The following PTPRD variants were observed in gnomAD, a reference collection of about 807,000 sequenced individuals.
PTPRD encodes protein tyrosine phosphatase receptor type D.
A neutral mutation model predicts 214.5 loss-of-function variants in PTPRD; 34 were observed. That is an observed-to-expected ratio of 0.16 (90% CI 0.12 to 0.21). The LOEUF (loss-of-function observed/expected upper bound fraction) is 0.21, where lower values mean the gene tolerates loss of function less well. Ranked by LOEUF, PTPRD falls within the 10% of genes least tolerant of loss-of-function variation. The pLI is 1.00. For synonymous variants in PTPRD, 1,128 were observed against 845.7 expected, an observed-to-expected ratio of 1.33 and a Z score of -5.79; for missense variants, 2,545 against 2,398.7, an observed-to-expected ratio of 1.06 and a Z score of -1.27.
intron 8 of PTPRD, among the ~76,000 whole-genome samples, chr9:9,458,893 T>C (rs938662685): frequency 6.6e-6 from 1 of 151,868 alleles, no homozygotes; most frequent in Non-Finnish European, 1.5e-5. Flanking sequence ...TGATGTAAGA[T>C]TGCACCACCG....
At chr9:9,496,844 C>G (rs2096214147) in intron 8 of PTPRD, among the ~76,000 whole-genome samples, 1 of 152,152 alleles carries the variant, frequency 6.6e-6, no homozygotes, top group Non-Finnish European at 1.5e-5. Context: ...AATGTGGCAG[C>G]AACTCAAGTG....
At chr9:9,266,353 G>C (rs533696339) in intron 9 of PTPRD, among the ~76,000 whole-genome samples, 1 of 151,346 alleles carries the variant, frequency 6.6e-6, no homozygotes, top group Non-Finnish European at 1.5e-5. Context: ...AGATCACCCA[G>C]ACAAAAAGTG....
chr9:9,771,790 T>C (rs555325752), intron 5 of PTPRD, among the ~76,000 whole-genome samples: 15 of 152,312 alleles, frequency 9.8e-5, no homozygotes, highest in African/African-American at 3.6e-4. Context: ...AATAAAATTA[T>C]TATTAAATCC....
In PTPRD at chr9:8,486,186, T is replaced by G; in HGVS notation, c.2631A>C (p.Glu877Asp). ...PLTTLEFSEK[E>D]DHFTATDIHK... ...GGATGTCTGTAGCTGTAAAGTGATCTTCTTTTTCAGAGAACTCAAGAGTAG... is the reference window on the plus strand; with the variant it reads ...GGATGTCTGTAGCTGTAAAGTGATCGTCTTTTTCAGAGAACTCAAGAGTAG... The change falls in exon 28 of 46, where the codon GAA (glutamate) becomes GAC (aspartate). Residue 877 changes from glutamate to aspartate, a missense_variant. By Grantham distance (45) the Glu-to-Asp change is conservative (BLOSUM62 2). Transcript: ENST00000381196. The G allele has an allele frequency of 3.1e-6, 5 of 1,614,204 alleles. No individual in the cohort carries two copies. The highest frequency in any genetic ancestry group is 2.2e-5 in the East Asian group (1 of 44,872).
Position 10,434,693 on chromosome 9 carries a change from T to G in PTPRD, c.-599-93676A>C, listed in dbSNP as rs112515407. 3.9e-3 allele frequency among the ~76,000 whole-genome samples: 599 copies of G among 152,084 alleles called. 4 individuals are homozygous for G. Among genetic ancestry groups the G allele is most frequent in the African/African-American group, 0.014 (570 of 41,550 alleles). ...AGTTAAATAACTTTTCTTTCAAATA[T>G]AAACACTTGCCCACACTGTTGCTAT... On this transcript the variant is annotated intron_variant, in intron 2 of 45. Transcript: ENST00000381196.
At chr9:9,494,891 T>G (rs1235680495) in intron 8 of PTPRD, among the ~76,000 whole-genome samples, 1 of 152,188 alleles carries the variant, frequency 6.6e-6, no homozygotes, top group Non-Finnish European at 1.5e-5. Context: ...ACTGTAAGAT[T>G]CACACTGCCT....
intron 9 of PTPRD, among the ~76,000 whole-genome samples, chr9:9,392,670 C>A (rs927643799): frequency 3.3e-5 from 5 of 152,060 alleles, no homozygotes; most frequent in East Asian, 1.9e-4. Context: ...GAACTTTGAA[C>A]CTTGCTTTTA....
chr9:9,344,382 G>A (rs1224426940), intron 9 of PTPRD, among the ~76,000 whole-genome samples: 1 of 151,862 alleles, frequency 6.6e-6, no homozygotes, highest in African/African-American at 2.4e-5. Flanking sequence ...ATGCATGCGG[G>A]GCTTAAAACC....
intron 2 of PTPRD, among the ~76,000 whole-genome samples, chr9:10,448,069 G>A (rs2098811846): frequency 6.6e-6 from 1 of 151,936 alleles, no homozygotes; most frequent in Admixed American, 6.6e-5. Context: ...TTTAGTTGAG[G>A]AAACTGAGCC....
At chr9:10,227,094 C>A (rs760858614) in intron 3 of PTPRD, among the ~76,000 whole-genome samples, 2 of 151,854 alleles carry the variant, frequency 1.3e-5, no homozygotes, top group African/African-American at 2.4e-5. Flanking sequence ...GACTATCACA[C>A]GAAAAATTAA....
At chr9:8,427,278 G>A (rs2094744048) in intron 35 of PTPRD, among the ~76,000 whole-genome samples, 1 of 152,186 alleles carries the variant, frequency 6.6e-6, no homozygotes, top group Admixed American at 6.5e-5. Flanking sequence ...AAAAGAGCCT[G>A]AAAATAAGGC....
chr9:9,059,423 A>G (rs1200549325), intron 10 of PTPRD, among the ~76,000 whole-genome samples: 1 of 152,238 alleles, frequency 6.6e-6, no homozygotes, highest in Non-Finnish European at 1.5e-5. Context: ...GTTCAGGTTA[A>G]GGATATAGAC....
intron 8 of PTPRD, among the ~76,000 whole-genome samples, chr9:9,404,445 A>G (rs911034623): frequency 1.3e-5 from 2 of 152,086 alleles, no homozygotes; most frequent in Admixed American, 6.6e-5. Context: ...AATGGATTAG[A>G]GAGTAATGAG....
intron 8 of PTPRD, among the ~76,000 whole-genome samples, chr9:9,513,283 G>C (rs916017407): frequency 1.3e-5 from 2 of 151,946 alleles, no homozygotes; most frequent in African/African-American, 2.4e-5. Context: ...GTCTCACACA[G>C]TGTGATAAAA....
chr9:8,942,876 G>A (rs936057869), intron 11 of PTPRD, among the ~76,000 whole-genome samples: 9 of 151,940 alleles, frequency 5.9e-5, no homozygotes, highest in African/African-American at 2.2e-4. Context: ...TCTTACACTT[G>A]GAGAAACCTA....
chr9:9,669,767 G>A (rs185713864), intron 7 of PTPRD, among the ~76,000 whole-genome samples: 2 of 152,156 alleles, frequency 1.3e-5, no homozygotes, highest in African/African-American at 4.8e-5. Flanking sequence ...ATATAAAAAT[G>A]TTTAAATATA....
intron 7 of PTPRD, among the ~76,000 whole-genome samples, chr9:9,599,922 A>C (rs1215744144): frequency 6.6e-6 from 1 of 152,096 alleles, no homozygotes; most frequent in Non-Finnish European, 1.5e-5. Flanking sequence ...ATAGGTGAAG[A>C]AATATGTCAA....
intron 12 of PTPRD, among the ~76,000 whole-genome samples, chr9:8,702,851 C>A (rs377345030): frequency 6.6e-6 from 1 of 152,212 alleles, no homozygotes; most frequent in African/African-American, 2.4e-5. Flanking sequence ...TTGTGATTCG[C>A]CCGCCTCGGC....
chr9:9,454,527 A>G (rs1200016846), intron 8 of PTPRD, among the ~76,000 whole-genome samples: 1 of 151,844 alleles, frequency 6.6e-6, no homozygotes, highest in Non-Finnish European at 1.5e-5. Flanking sequence ...ACTACTGATC[A>G]GAAATTCAAG....
Sources: allele counts gnomAD v4.1 joint callset (sites outside exome capture counted in the v4.1 genomes callset), GRCh38; gene constraint gnomAD v4.1.1; transcripts MANE v1.5; gene names NCBI Gene and HGNC (gene_info 2026-07-23, HGNC 2026-07-21).